LRBA: variants seen among roughly 807,000 people sequenced by gnomAD.
LRBA encodes the protein lipopolysaccharide-responsive and beige-like anchor protein.
A neutral mutation model predicts 330.0 loss-of-function variants in LRBA; 176 were observed. The observed-to-expected ratio is 0.53, with a 90% CI of 0.47 to 0.60. LRBA has a LOEUF of 0.60. LRBA is among the 20% of genes least tolerant of loss of function. The pLI is 0.00. For missense variants in LRBA, 3,259 were observed against 3,444.8 expected (o/e 0.95, Z 1.35); for synonymous variants, 1,230 against 1,193.0 (o/e 1.03, Z -0.64).
chr4:150,817,193 T>A lies in LRBA; in HGVS notation c.5236A>T (p.Thr1746Ser), dbSNP rs750151494. ...GAGGAAACCACACTGACAGCATTGGTAGGTATGCTTGTATTAAAGGTGGAA... is the reference window on the plus strand; with the variant it reads ...GAGGAAACCACACTGACAGCATTGGAAGGTATGCTTGTATTAAAGGTGGAA... Reference protein sequence around the residue: ...SPSTFNTSIPTNAVSVVSSVD... With the variant: ...SPSTFNTSIPSNAVSVVSSVD... The change falls in exon 31 of 57, where the codon ACC becomes TCC. Residue 1746 changes from threonine to serine, a missense_variant. Thr to Ser is a moderately conservative substitution (Grantham distance 58). Coordinates refer to ENST00000651943, the MANE Select transcript of LRBA (RefSeq NM_001364905.1). 6.2e-7 allele frequency: 1 copy of A among 1,612,104 alleles called. No individual in the cohort carries two copies. The highest frequency in any genetic ancestry group is 8.5e-7 in the Non-Finnish European group (1 of 1,178,558).
At chr4:150,893,887 G>A (rs879453236) in intron 16 of LRBA, among the ~76,000 whole-genome samples, 2 of 151,984 alleles carry the variant, frequency 1.3e-5, no homozygotes, top group Admixed American at 1.3e-4. Context: ...ATATTAGCCA[G>A]GATGGTCTCG....
At chr4:150,897,171 G>C (rs992414257) in intron 15 of LRBA, among the ~76,000 whole-genome samples, 1 of 151,818 alleles carries the variant, frequency 6.6e-6, no homozygotes, top group Admixed American at 6.6e-5. Flanking sequence ...AATCTTATGT[G>C]ACAACTAATA....
chr4:150,623,484 T>C (rs941341212), intron 37 of LRBA, among the ~76,000 whole-genome samples: 1 of 152,156 alleles, frequency 6.6e-6, no homozygotes, highest in Non-Finnish European at 1.5e-5. Context: ...ATACATAAAA[T>C]AGCATTGAAT....
At chr4:150,609,631 GA>G in intron 37 of LRBA, among the ~76,000 whole-genome samples, 2 of 152,184 alleles carry the variant, frequency 1.3e-5, no homozygotes, top group Non-Finnish European at 2.9e-5. Flanking sequence ...GTGATGCTGT[GA>G]GCAATTTGAT....
In LRBA at chr4:150,852,466, T is replaced by C. The variant is rs553088346; in HGVS notation, c.3244A>G (p.Ile1082Val). The C allele has an allele frequency of 3.5e-5, 57 of 1,613,562 alleles. No individual in the cohort carries two copies. The highest frequency in any genetic ancestry group is 4.7e-5 in the Non-Finnish European group (56 of 1,179,978). The change falls in exon 23 of 57, where the codon ATA becomes GTA. Residue 1082 changes from isoleucine (I) to valine (V), a missense_variant. Coordinates refer to ENST00000651943, the MANE Select transcript of LRBA (RefSeq NM_001364905.1). ...GCATCCTCTTCTGAAGGAGAACTTA[T>C]AGAAGCAGTTACTTCACTGACAGTC... Reference protein sequence around the residue: ...SMTVSEVTASISSPSEEDASE... With the variant: ...SMTVSEVTASVSSPSEEDASE...
At chr4:150,702,716 C>A (rs924786746) in intron 36 of LRBA, among the ~76,000 whole-genome samples, 1 of 152,084 alleles carries the variant, frequency 6.6e-6, no homozygotes, top group Non-Finnish European at 1.5e-5. Context: ...TTACAACTTA[C>A]GTGTAATTAA....
intron 47 of LRBA, among the ~76,000 whole-genome samples, chr4:150,387,167 T>C (rs1388970629): frequency 6.6e-6 from 1 of 152,126 alleles, no homozygotes; most frequent in East Asian, 1.9e-4. Context: ...CTTTGTCAGA[T>C]GGATAGATTG....
At chr4:150,614,845 A>C (rs1213721624) in intron 37 of LRBA, among the ~76,000 whole-genome samples, 1 of 152,218 alleles carries the variant, frequency 6.6e-6, no homozygotes, top group Non-Finnish European at 1.5e-5. Flanking sequence ...CTGGGTAGCC[A>C]TTTCCCAGCA....
At chr4:150,908,962 T>C (rs1731651269) in intron 9 of LRBA, 105 bp from the exon 10 acceptor site, 1 of 719,486 alleles carries the variant, frequency 1.4e-6, no homozygotes, top group Non-Finnish European at 2.3e-6. Flanking sequence ...GATAATCTTT[T>C]AACAGTATTA....
chr4:150,382,422 A>C (rs1377120591), intron 47 of LRBA, among the ~76,000 whole-genome samples: 1 of 152,080 alleles, frequency 6.6e-6, no homozygotes, highest in Admixed American at 6.6e-5. Flanking sequence ...CTGTGAGTTC[A>C]AGACCAGCCT....
intron 2 of LRBA, among the ~76,000 whole-genome samples, chr4:150,966,856 T>C (rs530904717): frequency 6.6e-6 from 1 of 152,312 alleles, no homozygotes; most frequent in Admixed American, 6.5e-5. Context: ...AAAATAGGGC[T>C]GAAACAAGAC....
chr4:150,956,330 CA>C (rs1184147319), intron 2 of LRBA, among the ~76,000 whole-genome samples: 2 of 148,228 alleles, frequency 1.3e-5, no homozygotes, highest in Non-Finnish European at 2.9e-5. Flanking sequence ...AAAAGAAATA[CA>C]AAATACAAAC....
intron 37 of LRBA, among the ~76,000 whole-genome samples, chr4:150,658,410 C>A (rs1780435859): frequency 6.7e-6 from 1 of 150,216 alleles, no homozygotes; most frequent in Non-Finnish European, 1.5e-5. Context: ...AATATGCCTT[C>A]CTGATTGGCT....
intron 36 of LRBA, among the ~76,000 whole-genome samples, chr4:150,689,705 C>T (rs751106228): frequency 9.2e-5 from 14 of 152,034 alleles, no homozygotes; most frequent in Admixed American, 5.9e-4. Context: ...ACAGGAGGAT[C>T]GCTTGAGCAT....
rs187086933 is a variant in LRBA at position 150,495,716 on chromosome 4, A to G, written c.6331-4681T>C. ...TCAAAGTCTCTAGAGTTCAATTAAAACTGGATTAGGTAGAAACAGACCCTT... is the reference window on the plus strand; with the variant it reads ...TCAAAGTCTCTAGAGTTCAATTAAAGCTGGATTAGGTAGAAACAGACCCTT... On this transcript the variant is annotated intron_variant, in intron 40 of 56. Coordinates refer to ENST00000651943, the MANE Select transcript of LRBA (RefSeq NM_001364905.1). 1.9e-3 allele frequency among the ~76,000 whole-genome samples: 288 copies of G among 152,262 alleles called. 4 individuals are homozygous for G. Among genetic ancestry groups the G allele is most frequent in the African/African-American group, 6.7e-3 (279 of 41,534 alleles).
chr4:150,674,416 A>ATT (rs1561501392), intron 37 of LRBA, among the ~76,000 whole-genome samples: 5 of 151,934 alleles, frequency 3.3e-5, no homozygotes, highest in African/African-American at 1.2e-4. Flanking sequence ...AAGCTTTATT[A>ATT]CTTGAAAAAC....
intron 2 of LRBA, among the ~76,000 whole-genome samples, chr4:150,935,703 T>A (rs1319426886): frequency 1.3e-5 from 2 of 151,894 alleles, no homozygotes; most frequent in Non-Finnish European, 2.9e-5. Context: ...ACAAATGGTA[T>A]AACATAATTA....
intron 47 of LRBA, among the ~76,000 whole-genome samples, chr4:150,403,694 A>G (rs1745793994): frequency 6.6e-6 from 1 of 152,098 alleles, no homozygotes; most frequent in South Asian, 2.1e-4. Context: ...AAAACCTTAA[A>G]GAAAGAAATT....
At chr4:150,866,800 C>T (rs537023857) in intron 22 of LRBA, among the ~76,000 whole-genome samples, 1 of 152,152 alleles carries the variant, frequency 6.6e-6, no homozygotes, top group Non-Finnish European at 1.5e-5. Flanking sequence ...GGATGAATCT[C>T]AAACAGTAAT....
Sources: allele counts gnomAD v4.1 joint callset (sites outside exome capture counted in the v4.1 genomes callset), GRCh38; gene constraint gnomAD v4.1.1; transcripts MANE v1.5; gene names NCBI Gene and HGNC (gene_info 2026-07-23, HGNC 2026-07-21).